Variants in DMC1 observed in about 807,000 individuals in gnomAD.
DMC1 encodes the protein meiotic recombination protein DMC1 homolog.
In DMC1, 27 loss-of-function variants were observed where a neutral mutation model predicts 50.1. The observed-to-expected ratio is 0.54, with a 90% CI of 0.40 to 0.74. The LOEUF is 0.74. DMC1 is among the 30% of genes least tolerant of loss of function. The probability of loss-of-function intolerance (pLI) is 0.00; values close to 1 mark genes in which losing one functional copy is unlikely to be tolerated. For missense variants in DMC1, 295 were observed against 420.2 expected, an observed-to-expected ratio of 0.70 and a Z score of 2.60; for synonymous variants, 148 against 136.1, an observed-to-expected ratio of 1.09 and a Z score of -0.61.
the DMC1 span, among the ~76,000 whole-genome samples, chr22:38,512,809 C>T: frequency 6.6e-6 from 1 of 152,082 alleles, no homozygotes; most frequent in African/African-American, 2.4e-5. Flanking sequence ...AGGGGCTGAG[C>T]GTGGTGACTC....
At chr22:38,538,184 G>T in intron 11 of DMC1, 111 bp downstream of exon 11, 1 of 828,834 alleles carries the variant, frequency 1.2e-6, no homozygotes, top group Non-Finnish European at 2.0e-6. Flanking sequence ...TCTCATAAAG[G>T]TAATTTTATT....
chr22:38,519,801 CACAA>C lies in DMC1; in HGVS notation c.*215_*218del. 1 of 500,696 alleles carries C rather than the reference CACAA, an allele frequency of 2.0e-6. No homozygotes were observed. The highest frequency in any genetic ancestry group is 2.0e-5 in the South Asian group (1 of 50,182). The allele number at this position is 500,696 out of a possible 1,614,324, so 31.0% of individuals were successfully genotyped here. On this transcript the variant is annotated 3_prime_UTR_variant, in exon 14 of 14. Transcript: ENST00000216024. ...GTATACACACACAAACACACACACA[CACAA>C]ACATACATATACATATCCCTGAATT...
chr22:38,519,897 G>T lies in DMC1; in HGVS notation c.*123C>A. ...ATAAATATAAGATTTAAATCTCTTT[G>T]CTGACTTTTCTTTAGTAACATGTGG... On this transcript the variant is annotated 3_prime_UTR_variant, in exon 14 of 14. Coordinates refer to ENST00000216024, the MANE Select transcript of DMC1 (RefSeq NM_007068.4). 1 of 746,588 alleles carries T rather than the reference G, an allele frequency of 1.3e-6. No individual in the cohort carries two copies. Among genetic ancestry groups the T allele is most frequent in the Non-Finnish European group, 2.4e-6 (1 of 418,790 alleles). The allele number at this position is 746,588 out of a possible 1,614,324, so 46.2% of individuals were successfully genotyped here.
intron 4 of DMC1, among the ~76,000 whole-genome samples, chr22:38,564,878 A>C (rs929878905): frequency 1.3e-5 from 2 of 152,246 alleles, no homozygotes; most frequent in African/African-American, 4.8e-5. Flanking sequence ...AAGCTAGAGC[A>C]ACTGAGCTGG....
chr22:38,555,890 G>A (rs1488064019), intron 5 of DMC1, among the ~76,000 whole-genome samples: 1 of 150,942 alleles, frequency 6.6e-6, no homozygotes, highest in East Asian at 2.0e-4. Flanking sequence ...GGAATGCAGT[G>A]GCGTGATCTT....
At chr22:38,535,409 T>TA (rs2090199799) in intron 12 of DMC1, among the ~76,000 whole-genome samples, 1 of 131,290 alleles carries the variant, frequency 7.6e-6, no homozygotes, top group Non-Finnish European at 1.7e-5. Flanking sequence ...TATGTACACC[T>TA]CCACACACAC....
At chr22:38,524,652 T>C (rs1369739719) in intron 12 of DMC1, among the ~76,000 whole-genome samples, 1 of 152,090 alleles carries the variant, frequency 6.6e-6, no homozygotes, top group Admixed American at 6.6e-5. Context: ...GAAAGCTCCT[T>C]TCCCCACCGT....
chr22:38,527,680 G>A (rs903836037), intron 12 of DMC1, among the ~76,000 whole-genome samples: 3 of 151,118 alleles, frequency 2.0e-5, no homozygotes, highest in African/African-American at 4.9e-5. Context: ...TCACCATACC[G>A]GATAATTTTT....
At chr22:38,514,945 CTT>C (rs1225224373), downstream of DMC1, among the ~76,000 whole-genome samples, 185 of 121,898 alleles carry the variant, frequency 1.5e-3, no homozygotes, top group African/African-American at 2.5e-3. Context: ...TTTTTTTATT[CTT>C]TTTTTTTTTT....
At chr22:38,566,365 T>G (rs1297173396) in intron 4 of DMC1, among the ~76,000 whole-genome samples, 2 of 151,912 alleles carry the variant, frequency 1.3e-5, no homozygotes, top group Non-Finnish European at 2.9e-5. Flanking sequence ...GCAAAAATAA[T>G]TACCTTCATT....
At chr22:38,569,105 A>G (rs1602785803) in intron 1 of DMC1, among the ~76,000 whole-genome samples, 1 of 150,022 alleles carries the variant, frequency 6.7e-6, no homozygotes, top group Non-Finnish European at 1.5e-5. Flanking sequence ...AATCGCTTGA[A>G]CCTGGGAGGC....
At chr22:38,537,491 C>A in intron 12 of DMC1, 101 bp downstream of exon 12, 1 of 1,081,764 alleles carries the variant, frequency 9.2e-7, no homozygotes, top group East Asian at 2.4e-5. Flanking sequence ...GAATTACAGG[C>A]GTGAGCCACC....
chr22:38,516,366 C>A (rs897964242), downstream of DMC1, among the ~76,000 whole-genome samples: 5 of 152,124 alleles, frequency 3.3e-5, no homozygotes, highest in Non-Finnish European at 7.4e-5. Flanking sequence ...ATGCCCACTT[C>A]TTGGTAAATT....
At chr22:38,528,706 A>C (rs1336875226) in intron 12 of DMC1, among the ~76,000 whole-genome samples, 1 of 152,074 alleles carries the variant, frequency 6.6e-6, no homozygotes, top group African/African-American at 2.4e-5. Context: ...GGATCACTTG[A>C]GCCTGGGAGG....
chr22:38,509,656 A>T, the DMC1 span, among the ~76,000 whole-genome samples: 2 of 151,766 alleles, frequency 1.3e-5, no homozygotes, highest in Non-Finnish European at 2.9e-5. Flanking sequence ...TGAGAGGCCT[A>T]TGTAGCTTTT....
rs116813916 is a variant in DMC1, at chr22:38,531,947, A to G, written c.836+5645T>C. ...TACAAATATAAGAAAAAGAACCCCTATCTGACCTAATTTCCGCTGATTTCC... is the reference window on the plus strand; with the variant it reads ...TACAAATATAAGAAAAAGAACCCCTGTCTGACCTAATTTCCGCTGATTTCC... On this transcript the variant is annotated intron_variant, in intron 12 of 13. Coordinates refer to ENST00000216024, the MANE Select transcript of DMC1 (RefSeq NM_007068.4). Among the ~76,000 whole-genome samples, 338 of 152,046 alleles carry G rather than the reference A, an allele frequency of 2.2e-3. 2 individuals are homozygous for G. Among genetic ancestry groups the G allele is most frequent in the African/African-American group, 7.7e-3 (318 of 41,354 alleles).
downstream of DMC1, among the ~76,000 whole-genome samples, chr22:38,515,594 T>G (rs2089971607): frequency 6.6e-6 from 1 of 151,990 alleles, no homozygotes; most frequent in Non-Finnish European, 1.5e-5. Context: ...AGGTTAGGAT[T>G]TCGAGACCAT....
chr22:38,544,270 T>G (rs1235471847), intron 8 of DMC1, among the ~76,000 whole-genome samples: 1 of 152,248 alleles, frequency 6.6e-6, no homozygotes, highest in Non-Finnish European at 1.5e-5. Flanking sequence ...GGAAACTGCT[T>G]ATGGCAAACC....
chr22:38,569,051 G>C (rs1049204779), intron 1 of DMC1, among the ~76,000 whole-genome samples: 3 of 151,956 alleles, frequency 2.0e-5, no homozygotes, highest in African/African-American at 7.3e-5. Context: ...GGGCGTGGTG[G>C]TGGGCGCCCG....
Sources: allele counts gnomAD v4.1 joint callset (sites outside exome capture counted in the v4.1 genomes callset), GRCh38; gene constraint gnomAD v4.1.1; transcripts MANE v1.5; gene names NCBI Gene and HGNC (gene_info 2026-07-23, HGNC 2026-07-21).